Variants in ANKRD34C observed in about 807,000 individuals in gnomAD.
ANKRD34C encodes the protein ankyrin repeat domain 34C.
For missense variants in ANKRD34C, 563 were observed against 653.0 expected (o/e 0.86, Z 1.50); for synonymous variants, 260 against 253.6 (o/e 1.03, Z -0.24).
rs1012242827 is a variant in ANKRD34C, at chr15:79,282,790, C to G, written c.-483C>G. On this transcript the variant is annotated 5_prime_UTR_variant, in exon 1 of 2. Transcript: ENST00000421388. ...CAGCGGGCAGCAGCGCGTCGTCAGC[C>G]AGCACAGCCGGCCGAAGACCAAGCC... 1.3e-5 allele frequency among the ~76,000 whole-genome samples: 2 copies of G among 152,254 alleles called. No homozygotes were observed. Among genetic ancestry groups the G allele is most frequent in the African/African-American group, 4.8e-5 (2 of 41,472 alleles).
rs905803925 is a variant in ANKRD34C at position 79,293,167 on chromosome 15, G to A, written c.-44-74G>A. On this transcript the variant is annotated intron_variant, in intron 1 of 1. Coordinates refer to ENST00000421388, the MANE Select transcript of ANKRD34C (RefSeq NM_001146341.2). Reference sequence around the variant, plus strand: ...TCAGGTTGGGATATGACTGTACCCAGACCCCGTAATAACCATGCTGCACAG... The same window carrying A: ...TCAGGTTGGGATATGACTGTACCCAAACCCCGTAATAACCATGCTGCACAG... 3 of 1,146,596 alleles carry A rather than the reference G, an allele frequency of 2.6e-6. No homozygotes were observed. In the African/African-American group the frequency reaches 4.7e-5, roughly 18 times the overall value. 71.0% of individuals were successfully genotyped at this position (1,146,596 alleles called of 1,614,324 possible).
intron 1 of ANKRD34C, among the ~76,000 whole-genome samples, chr15:79,291,329 T>A (rs1206975491): frequency 1.3e-5 from 2 of 151,874 alleles, no homozygotes; most frequent in Non-Finnish European, 2.9e-5. Context: ...TCTAGAGAGG[T>A]AGGCTGAGGC....
chr15:79,288,976 A>G (rs2058652886), intron 1 of ANKRD34C, among the ~76,000 whole-genome samples: 1 of 151,742 alleles, frequency 6.6e-6, no homozygotes, highest in African/African-American at 2.4e-5. Context: ...GTGTGCCACC[A>G]CGCCTGGCTA....
chr15:79,293,261 C>T lies in ANKRD34C; in HGVS notation c.-24C>T, dbSNP rs2058664047. ...GCTAGGTTTGATTGCTACTGTGGCT[C>T]AGGTCCTCTAAACTGTAGCCAATAT... On this transcript the variant is annotated 5_prime_UTR_variant, in exon 2 of 2. Coordinates refer to ENST00000421388, the MANE Select transcript of ANKRD34C (RefSeq NM_001146341.2). The T allele has an allele frequency of 2.0e-6, 3 of 1,479,914 alleles. No individual in the cohort carries two copies. The highest frequency in any genetic ancestry group is 2.5e-5 in the East Asian group (1 of 40,400). The allele number at this position is 1,479,914 out of a possible 1,614,324, so 91.7% of individuals were successfully genotyped here.
At chr15:79,284,591 A>T (rs1176872614) in intron 1 of ANKRD34C, among the ~76,000 whole-genome samples, 1 of 152,102 alleles carries the variant, frequency 6.6e-6, no homozygotes, top group Non-Finnish European at 1.5e-5. Context: ...CCCTCAGCAC[A>T]CTCCAAAGGG....
intron 1 of ANKRD34C, among the ~76,000 whole-genome samples, chr15:79,285,093 A>G (rs2058639803): frequency 6.6e-6 from 1 of 152,248 alleles, no homozygotes; most frequent in Admixed American, 6.5e-5. Flanking sequence ...TCAGGTTTGC[A>G]CGTATTCGAA....
rs1348864498 is a variant in ANKRD34C at position 79,297,113 on chromosome 15, G to A, written c.*2221G>A. 2 of 166,948 alleles carry A rather than the reference G, an allele frequency of 1.2e-5. No homozygotes were observed. Among genetic ancestry groups the A allele is most frequent in the Non-Finnish European group, 2.9e-5 (2 of 68,120 alleles). 10.3% of individuals were successfully genotyped at this position (166,948 alleles called of 1,614,324 possible). A position where few individuals can be genotyped will look rare whatever the true frequency, so the allele number is the denominator to read the frequency against. On this transcript the variant is annotated 3_prime_UTR_variant, in exon 2 of 2. Coordinates refer to ENST00000421388, the MANE Select transcript of ANKRD34C (RefSeq NM_001146341.2). ...TAGCTCATGAACTTGGTTTAGTGTG[G>A]ACAACCCTGTTCTTTTCAGAACTAT... is the stretch of plus-strand genomic sequence containing the variant.
rs1472691084 is a variant in ANKRD34C at position 79,293,892 on chromosome 15, C to T, written c.608C>T (p.Thr203Ile). 1.9e-6 allele frequency: 3 copies of T among 1,551,590 alleles called. No individual in the cohort carries two copies. Among genetic ancestry groups the T allele is most frequent in the East Asian group, 2.4e-5 (1 of 40,926 alleles). Reference sequence around the variant, plus strand: ...GCTCTAGGCCTGGACTCTCCACTCACTGAGAAGGAAGATGACTTCTTCAGC... The same window carrying T: ...GCTCTAGGCCTGGACTCTCCACTCATTGAGAAGGAAGATGACTTCTTCAGC... ...LKALGLDSPLTEKEDDFFSLQ... is the reference protein window; with the variant it reads ...LKALGLDSPLIEKEDDFFSLQ... The change falls in exon 2 of 2, where the codon ACT becomes ATT. Residue 203 changes from threonine (T) to isoleucine (I), a missense_variant. Transcript: ENST00000421388.
In ANKRD34C at chr15:79,294,165, G is replaced by T; in HGVS notation, c.881G>T (p.Gly294Val). 1 of 1,551,450 alleles carries T rather than the reference G, an allele frequency of 6.4e-7. No individual in the cohort carries two copies. The change falls in exon 2 of 2, where the codon GGG becomes GTG. Residue 294 changes from glycine to valine, a missense_variant. Transcript: ENST00000421388. The part of the protein sequence containing the change: ...SISDISFPKR[G>V]PLSRTNSIDS... ...AGTGATATATCCTTCCCTAAAAGGG[G>T]GCCCCTCTCCAGAACCAACAGTATC...
Position 79,294,435 on chromosome 15 carries a change from T to C in ANKRD34C, c.1151T>C (p.Ile384Thr). 1.3e-6 allele frequency: 2 copies of C among 1,551,666 alleles called. No homozygotes were observed. The highest frequency in any genetic ancestry group is 8.7e-7 in the Non-Finnish European group (1 of 1,146,972). ...GAAAATGACCTCTATGACTTAGATA[T>C]ACAGCCAGGGCCTGACCCTCCCAAC... The part of the protein sequence containing the change: ...WLENDLYDLD[I>T]QPGPDPPNSI... The change falls in exon 2 of 2, where the codon ATA becomes ACA. Residue 384 changes from isoleucine to threonine, a missense_variant. Transcript: ENST00000421388.
rs2058664462 is a variant in ANKRD34C, at chr15:79,293,415, G to A, written c.131G>A (p.Gly44Asp). Residue 44 changes from glycine to aspartate, a missense_variant, in exon 2 of 2, where the codon GGC (glycine) becomes GAC (aspartate). Coordinates refer to ENST00000421388, the MANE Select transcript of ANKRD34C (RefSeq NM_001146341.2). ...GAYINESNDK[G>D]ETALMVACIT... ...TATATCAATGAAAGCAATGACAAAG[G>A]CGAAACAGCTCTCATGGTGGCGTGC... 1 of 1,551,558 alleles carries A rather than the reference G, an allele frequency of 6.4e-7. No individual in the cohort carries two copies. The highest frequency in any genetic ancestry group is 1.4e-5 in the African/African-American group (1 of 73,032).
chr15:79,282,792 G>C lies in ANKRD34C; in HGVS notation c.-481G>C, dbSNP rs191164656. Among the ~76,000 whole-genome samples the C allele has an allele frequency of 6.6e-6, 1 of 152,378 alleles. No individual in the cohort carries two copies. Among genetic ancestry groups the C allele is most frequent in the African/African-American group, 2.4e-5 (1 of 41,598 alleles). On this transcript the variant is annotated 5_prime_UTR_variant, in exon 1 of 2. Coordinates refer to ENST00000421388, the MANE Select transcript of ANKRD34C (RefSeq NM_001146341.2). Reference sequence around the variant, plus strand: ...GCGGGCAGCAGCGCGTCGTCAGCCAGCACAGCCGGCCGAAGACCAAGCCGG... The same window carrying C: ...GCGGGCAGCAGCGCGTCGTCAGCCACCACAGCCGGCCGAAGACCAAGCCGG...
chr15:79,293,929 G>T lies in ANKRD34C; in HGVS notation c.645G>T (p.Gly215=), dbSNP rs2058665840. Reference sequence around the variant, plus strand: ...ATGACTTCTTCAGCCTCCAAGCAGGGCATCCAAGCAGTTGTAACACCTCCA... The same window carrying T: ...ATGACTTCTTCAGCCTCCAAGCAGGTCATCCAAGCAGTTGTAACACCTCCA... ...KEDDFFSLQA[G]HPSSCNTSKA... Residue 215 remains glycine (G), a synonymous_variant, in exon 2 of 2, where the codon GGG becomes GGT. Transcript: ENST00000421388. The T allele has an allele frequency of 6.4e-7, 1 of 1,551,626 alleles. No homozygotes were observed. The highest frequency in any genetic ancestry group is 8.7e-7 in the Non-Finnish European group (1 of 1,146,974).
At chr15:79,284,744 A>C (rs993105268) in intron 1 of ANKRD34C, among the ~76,000 whole-genome samples, 16 of 152,192 alleles carry the variant, frequency 1.1e-4, no homozygotes, top group Non-Finnish European at 1.5e-5. Flanking sequence ...AATGTTGTTA[A>C]GTAGGCAGGA....
At position 79,294,741 on chromosome 15, in the gene ANKRD34C, C is replaced by G; in HGVS notation, c.1457C>G (p.Ser486Cys). ...AGATCTAGCAGCAAACCTTCTTGCT[C>G]TCTTGCTAGTGGCTTAAAATCTATG... ...DIRSSSKPSC[S>C]LASGLKSMVP... The change falls in exon 2 of 2, where the codon TCT becomes TGT. Residue 486 changes from serine (S) to cysteine (C), a missense_variant. Transcript: ENST00000421388. The G allele has an allele frequency of 1.3e-6, 2 of 1,551,738 alleles. No homozygotes were observed. The highest frequency in any genetic ancestry group is 1.7e-6 in the Non-Finnish European group (2 of 1,146,998).
Position 79,289,166 on chromosome 15 carries a change from C to T in ANKRD34C, c.-44-4075C>T, listed in dbSNP as rs141950620. Among the ~76,000 whole-genome samples, 706 of 152,290 alleles carry T rather than the reference C, an allele frequency of 4.6e-3. 1 individual carries two copies. Among genetic ancestry groups the T allele is most frequent in the Non-Finnish European group, 7.1e-3 (485 of 68,032 alleles). On this transcript the variant is annotated intron_variant, in intron 1 of 1. Coordinates refer to ENST00000421388, the MANE Select transcript of ANKRD34C (RefSeq NM_001146341.2). ...AAAAGTGTACGATTATTGCAGCATG[C>T]TAACAGTTAATGTTAGCCTGGCACA...
At position 79,293,459 on chromosome 15, in the gene ANKRD34C, C is replaced by G. The variant is rs1444924798; in HGVS notation, c.175C>G (p.Gln59Glu). Residue 59 changes from glutamine to glutamate, a missense_variant, in exon 2 of 2, where the codon CAG (glutamine) becomes GAG (glutamate). Coordinates refer to ENST00000421388, the MANE Select transcript of ANKRD34C (RefSeq NM_001146341.2). ...MVACITKHVD[Q>E]QSISKSKMVK... ...GGCGTGCATCACCAAACATGTGGACCAGCAAAGCATCAGCAAGTCCAAGAT... is the reference window on the plus strand; with the variant it reads ...GGCGTGCATCACCAAACATGTGGACGAGCAAAGCATCAGCAAGTCCAAGAT... The G allele has an allele frequency of 6.4e-7, 1 of 1,551,458 alleles. No homozygotes were observed. Among genetic ancestry groups the G allele is most frequent in the Non-Finnish European group, 8.7e-7 (1 of 1,146,954 alleles).
At chr15:79,293,037 G>A (rs2058663397) in intron 1 of ANKRD34C, among the ~76,000 whole-genome samples, 1 of 152,102 alleles carries the variant, frequency 6.6e-6, no homozygotes, top group African/African-American at 2.4e-5. Context: ...GACCCTATGA[G>A]GTAGGTTACT....
chr15:79,293,363 A>G lies in ANKRD34C; in HGVS notation c.79A>G (p.Thr27Ala). 1 of 1,551,506 alleles carries G rather than the reference A, an allele frequency of 6.4e-7. No homozygotes were observed. Among genetic ancestry groups the G allele is most frequent in the South Asian group, 1.2e-5 (1 of 84,000 alleles). ...TGTGTGGCTGGGGAGGCTCAGGTTG[A>G]CCAGGCTGCTCTTGGAAGGGGGAGC... The part of the protein sequence containing the change: ...KAVWLGRLRL[T>A]RLLLEGGAYI... Residue 27 changes from threonine to alanine, a missense_variant, in exon 2 of 2, where the codon ACC becomes GCC. By Grantham distance (58) the Thr-to-Ala change is moderately conservative (BLOSUM62 0). Coordinates refer to ENST00000421388, the MANE Select transcript of ANKRD34C (RefSeq NM_001146341.2).
Sources: allele counts gnomAD v4.1 joint callset (sites outside exome capture counted in the v4.1 genomes callset), GRCh38; gene constraint gnomAD v4.1.1; transcripts MANE v1.5; gene names NCBI Gene and HGNC (gene_info 2026-07-23, HGNC 2026-07-21).